The following SLTM variants were observed in gnomAD, a reference collection of about 807,000 sequenced individuals.
SLTM encodes the protein SAFB-like transcription modulator.
In SLTM, 43 loss-of-function variants were observed where a neutral mutation model predicts 134.6. The observed-to-expected ratio is 0.32, with a 90% CI of 0.25 to 0.41. The LOEUF is 0.41. SLTM is among the 10% of genes least tolerant of loss of function. The pLI, the probability that SLTM is intolerant of heterozygous loss-of-function variation, is 1.00. For synonymous variants in SLTM, 424 were observed against 432.3 expected, an observed-to-expected ratio of 0.98 and a Z score of 0.24; for missense variants, 1,055 against 1,288.8, an observed-to-expected ratio of 0.82 and a Z score of 2.78.
rs74352994 is a variant in SLTM, at chr15:58,895,235, G to A, written c.1228-653C>T. ...TAGGCCCACCCTGAATGTCTTTAGA[G>A]AAAGTTTCTAGTATTTTATTGATGA... is the stretch of plus-strand genomic sequence containing the variant. On this transcript the variant is annotated intron_variant, in intron 9 of 20. Transcript: ENST00000380516. 4.7e-3 allele frequency among the ~76,000 whole-genome samples: 709 copies of A among 152,154 alleles called. 8 individuals are homozygous for A. Among genetic ancestry groups the A allele is most frequent in the Non-Finnish European group, 4.1e-3 (280 of 68,024 alleles).
intron 2 of SLTM, among the ~76,000 whole-genome samples, chr15:58,930,553 T>C (rs2037802326): frequency 1.3e-5 from 2 of 151,594 alleles, no homozygotes; most frequent in African/African-American, 4.8e-5. Context: ...AAATAAATAA[T>C]GTTTACTTAT....
intron 2 of SLTM, among the ~76,000 whole-genome samples, chr15:58,927,231 CTTTT>C (rs1213111177): frequency 1.3e-5 from 2 of 151,902 alleles, no homozygotes; most frequent in African/African-American, 4.8e-5. Flanking sequence ...AGAGATATTT[CTTTT>C]TTTTGTTTGT....
In SLTM at chr15:58,887,292, G is replaced by A. The variant is rs1205083365; in HGVS notation, c.2624C>T (p.Pro875Leu). ...THPRHPREAG[P>L]NPSRPTSWKS... ...CCAGCTGGTGGGTCTGGAAGGATTG[G>A]GCCCTGCCTCTCGAGGATGTCTAGG... The change falls in exon 18 of 21, where the codon CCC becomes CTC. Residue 875 changes from proline (P) to leucine (L), a missense_variant. Pro to Leu is a moderately conservative substitution (Grantham distance 98). Transcript: ENST00000380516. 1 of 1,614,046 alleles carries A rather than the reference G, an allele frequency of 6.2e-7. No homozygotes were observed. Among genetic ancestry groups the A allele is most frequent in the Non-Finnish European group, 8.5e-7 (1 of 1,180,010 alleles).
intron 14 of SLTM, 97 bp downstream of exon 14, chr15:58,892,800 T>A: frequency 7.7e-7 from 1 of 1,302,990 alleles, no homozygotes. Flanking sequence ...GGCAAACAGT[T>A]TTCTGTGGGA....
At chr15:58,911,819 T>C (rs1352954009) in intron 5 of SLTM, among the ~76,000 whole-genome samples, 1 of 152,172 alleles carries the variant, frequency 6.6e-6, no homozygotes, top group African/African-American at 2.4e-5. Flanking sequence ...CAAGTAAATT[T>C]CTAGAAATTT....
intron 2 of SLTM, 61 bp from the exon 3 acceptor site, chr15:58,917,060 T>G: frequency 6.6e-7 from 1 of 1,519,036 alleles, no homozygotes; most frequent in South Asian, 1.1e-5. Flanking sequence ...ACAAAAAATA[T>G]TCAGAGTTTA....
intron 4 of SLTM, among the ~76,000 whole-genome samples, 159 bp downstream of exon 4, chr15:58,913,340 G>C (rs2036413212): frequency 6.6e-6 from 1 of 151,980 alleles, no homozygotes; most frequent in African/African-American, 2.4e-5. Context: ...AATTTAAAAG[G>C]TTGCCTAAGG....
intron 2 of SLTM, among the ~76,000 whole-genome samples, chr15:58,917,220 T>C (rs1478354942): frequency 1.3e-5 from 2 of 152,222 alleles, no homozygotes; most frequent in African/African-American, 4.8e-5. Flanking sequence ...ATCCTACATA[T>C]GAACCCATCA....
chr15:58,879,401 T>C lies in SLTM; in HGVS notation c.*598A>G, dbSNP rs1194145204. ...TGAAAATCGGTTCTCATTTTACAAT[T>C]AAAAAGGTTCTCAACACTTTAGCAA... On this transcript the variant is annotated 3_prime_UTR_variant, in exon 21 of 21. Transcript: ENST00000380516. 1 of 152,622 alleles carries C rather than the reference T, an allele frequency of 6.6e-6. No homozygotes were observed. The highest frequency in any genetic ancestry group is 2.4e-5 in the African/African-American group (1 of 41,464). The allele number at this position is 152,622 out of a possible 1,614,324, so 9.5% of individuals were successfully genotyped here.
At chr15:58,923,468 T>C (rs1567159828) in intron 2 of SLTM, among the ~76,000 whole-genome samples, 1 of 152,192 alleles carries the variant, frequency 6.6e-6, no homozygotes, top group Non-Finnish European at 1.5e-5. Context: ...TCAACTAACT[T>C]TGTGTGTAAC....
chr15:58,927,870 T>C (rs1409603106), intron 2 of SLTM, among the ~76,000 whole-genome samples: 1 of 152,240 alleles, frequency 6.6e-6, no homozygotes, highest in Non-Finnish European at 1.5e-5. Context: ...TACACTATGA[T>C]ACTGTGTTAT....
intron 3 of SLTM, among the ~76,000 whole-genome samples, chr15:58,915,020 C>A (rs762584226): frequency 1.3e-5 from 2 of 152,008 alleles, no homozygotes; most frequent in Non-Finnish European, 2.9e-5. Flanking sequence ...GGTGAAACCC[C>A]GTCTCTACTA....
chr15:58,924,861 G>T (rs773540526), intron 2 of SLTM, among the ~76,000 whole-genome samples: 1 of 152,038 alleles, frequency 6.6e-6, no homozygotes, highest in Non-Finnish European at 1.5e-5. Context: ...TTGCTCTATC[G>T]CCCAGGGTGG....
chr15:58,933,619 G>A lies in SLTM; in HGVS notation c.-54C>T, dbSNP rs2279719. 0.21 allele frequency: 303,013 copies of A among 1,473,514 alleles called. 35,115 individuals are homozygous for A. Among genetic ancestry groups the A allele is most frequent in the East Asian group, 0.44 (15,514 of 35,656 alleles). The allele number at this position is 1,473,514 out of a possible 1,614,324, so 91.3% of individuals were successfully genotyped here. On this transcript the variant is annotated 5_prime_UTR_variant, in exon 1 of 21. Transcript: ENST00000380516. ...GCGAGTGGGCTGCAGGGCGGCGGCA[G>A]CAGCGCCAACTTCCACCCAGGCCTC...
At chr15:58,908,406 G>GC (rs1816697946) in intron 5 of SLTM, among the ~76,000 whole-genome samples, 1 of 151,946 alleles carries the variant, frequency 6.6e-6, no homozygotes, top group African/African-American at 2.4e-5. Flanking sequence ...TTGCTCTATT[G>GC]CCCAGGTTGG....
chr15:58,924,595 T>C (rs2037331557), intron 2 of SLTM, among the ~76,000 whole-genome samples: 2 of 152,196 alleles, frequency 1.3e-5, no homozygotes, highest in Admixed American at 6.5e-5. Flanking sequence ...TAAATAACTT[T>C]TGCCACCAAA....
At chr15:58,887,926 G>A (rs1030437646) in intron 17 of SLTM, among the ~76,000 whole-genome samples, 19 of 152,268 alleles carry the variant, frequency 1.2e-4, no homozygotes, top group Admixed American at 2.6e-4. Flanking sequence ...TGAGGTGGGT[G>A]GATCACTTCA....
chr15:58,926,276 T>C (rs930098535), intron 2 of SLTM, among the ~76,000 whole-genome samples: 1 of 152,188 alleles, frequency 6.6e-6, no homozygotes, highest in African/African-American at 2.4e-5. Flanking sequence ...TTCTCCAGAC[T>C]ACAGAAATAT....
chr15:58,933,362 A>C (rs1424214068), intron 1 of SLTM, 42 bp downstream of exon 1: 1 of 1,539,924 alleles, frequency 6.5e-7, no homozygotes, highest in Non-Finnish European at 8.8e-7. Context: ...GCGCGGCCTA[A>C]GTTCCCCTTC....
Sources: allele counts gnomAD v4.1 joint callset (sites outside exome capture counted in the v4.1 genomes callset), GRCh38; gene constraint gnomAD v4.1.1; transcripts MANE v1.5; gene names NCBI Gene and HGNC (gene_info 2026-07-23, HGNC 2026-07-21).